Variants in AVL9 observed in about 807,000 individuals in gnomAD.
The protein encoded by AVL9 is AVL9 cell migration associated, also known as late secretory pathway protein AVL9 homolog.
A neutral mutation model predicts 79.2 loss-of-function variants in AVL9; 49 were observed. The ratio of observed to expected loss-of-function variants is 0.62; its 90% CI spans 0.49 to 0.79. The LOEUF (loss-of-function observed/expected upper bound fraction) is 0.79. AVL9 is among the 30% of genes least tolerant of loss of function. AVL9 has a pLI of 0.00. For missense variants in AVL9, 682 were observed against 776.8 expected, an observed-to-expected ratio of 0.88 and a Z score of 1.45; for synonymous variants, 299 against 280.6, an observed-to-expected ratio of 1.07 and a Z score of -0.65.
At chr7:32,525,899 C>T (rs762617497) in intron 1 of AVL9, among the ~76,000 whole-genome samples, 6 of 152,146 alleles carry the variant, frequency 3.9e-5, no homozygotes, top group Non-Finnish European at 8.8e-5. Context: ...TGGTTTTTGT[C>T]ACACAACCCA....
At chr7:32,547,456 C>G (rs1183160510) in intron 3 of AVL9, among the ~76,000 whole-genome samples, 1 of 152,158 alleles carries the variant, frequency 6.6e-6, no homozygotes, top group East Asian at 1.9e-4. Context: ...GAAATCTGTT[C>G]CTTTTAATAC....
At chr7:32,567,771 G>C (rs1055251348) in intron 10 of AVL9, among the ~76,000 whole-genome samples, 1 of 151,226 alleles carries the variant, frequency 6.6e-6, no homozygotes, top group South Asian at 2.1e-4. Flanking sequence ...CTGGAGTGCC[G>C]TGATATGATC....
chr7:32,544,725 T>C lies in AVL9; in HGVS notation c.246T>C (p.Asn82=), dbSNP rs935671089. Residue 82 remains asparagine, a synonymous_variant, in exon 3 of 16, where the codon AAT becomes AAC. Coordinates refer to ENST00000318709, the MANE Select transcript of AVL9 (RefSeq NM_015060.3). ...TGTTTTTTCACTTGCCACCCAGAAA[T>C]GGAAATGGAGCCACAGTATTTGGTA... ...DTVFFHLPPR[N]GNGATVFGIS... 8 of 1,613,860 alleles carry C rather than the reference T, an allele frequency of 5.0e-6. No homozygotes were observed. The highest frequency in any genetic ancestry group is 6.8e-6 in the Non-Finnish European group (8 of 1,179,880).
chr7:32,569,208 A>G (rs1341014541), intron 10 of AVL9, among the ~76,000 whole-genome samples: 2 of 152,214 alleles, frequency 1.3e-5, no homozygotes, highest in East Asian at 3.8e-4. Context: ...GGCTGAAAAC[A>G]AGTTGAGGGG....
intron 1 of AVL9, among the ~76,000 whole-genome samples, chr7:32,512,898 A>G (rs1787742343): frequency 6.6e-6 from 1 of 151,916 alleles, no homozygotes. Flanking sequence ...AATTTCTACC[A>G]CATGTTTCAT....
intron 1 of AVL9, chr7:32,534,461 T>A (rs1217805465): frequency 6.6e-6 from 1 of 151,998 alleles, no homozygotes; most frequent in Non-Finnish European, 1.5e-5. Flanking sequence ...GGGAGATAAC[T>A]CAGAAATGAG....
chr7:32,567,627 A>G (rs1410818411), intron 10 of AVL9, among the ~76,000 whole-genome samples: 3 of 152,088 alleles, frequency 2.0e-5, no homozygotes, highest in African/African-American at 7.2e-5. Flanking sequence ...AAACAAATGC[A>G]TATTTTCCCC....
intron 1 of AVL9, among the ~76,000 whole-genome samples, chr7:32,500,097 C>T (rs147588108): frequency 3.9e-3 from 594 of 152,222 alleles, no homozygotes; most frequent in Non-Finnish European, 6.1e-3. Flanking sequence ...TATAATCCTT[C>T]GGGTATATAC....
chr7:32,548,209 G>A (rs557722113), intron 3 of AVL9, among the ~76,000 whole-genome samples: 29 of 139,834 alleles, frequency 2.1e-4, no homozygotes, highest in African/African-American at 5.5e-4. Context: ...GTGCAGTGGC[G>A]TGATCTCAGC....
chr7:32,571,526 T>G (rs991413881), intron 11 of AVL9, among the ~76,000 whole-genome samples: 1 of 150,978 alleles, frequency 6.6e-6, no homozygotes, highest in African/African-American at 2.4e-5. Context: ...AAATTCTGTC[T>G]CAAAAAAAAA....
At chr7:32,502,660 T>C (rs1787194591) in intron 1 of AVL9, among the ~76,000 whole-genome samples, 1 of 152,210 alleles carries the variant, frequency 6.6e-6, no homozygotes, top group African/African-American at 2.4e-5. Flanking sequence ...CTCATAAGTA[T>C]AGAGACTTCA....
chr7:32,557,125 A>G (rs1233349963), intron 8 of AVL9, among the ~76,000 whole-genome samples: 1 of 105,540 alleles, frequency 9.5e-6, no homozygotes, highest in African/African-American at 3.8e-5. Flanking sequence ...CATTGAGATA[A>G]TAAGAGAAAT....
chr7:32,540,871 C>CTTTTTTTTT lies in AVL9; in HGVS notation c.94-2233_94-2225dup, dbSNP rs749306635. On this transcript the variant is annotated intron_variant, in intron 1 of 15. Transcript: ENST00000318709. ...AATGAGATTAAGCATTGTTGTACTA[C>CTTTTTTTTT]TTTTTTTTTTTTTTTTTTTTTTTTT... Among the ~76,000 whole-genome samples the CTTTTTTTTT allele has an allele frequency of 1.1e-4, 8 of 72,470 alleles. 1 individual carries two copies. The highest frequency in any genetic ancestry group is 2.4e-4 in the African/African-American group (5 of 20,698). The allele number at this position is 72,470 out of a possible 152,430, so 47.5% of individuals were successfully genotyped here.
intron 1 of AVL9, among the ~76,000 whole-genome samples, chr7:32,510,181 G>A (rs1240205931): frequency 2.0e-5 from 3 of 151,010 alleles, no homozygotes; most frequent in Admixed American, 6.6e-5. Context: ...CAGTAGGAGC[G>A]AGCCCATCTC....
At chr7:32,504,974 A>G (rs1787340290) in intron 1 of AVL9, among the ~76,000 whole-genome samples, 1 of 151,950 alleles carries the variant, frequency 6.6e-6, no homozygotes, top group African/African-American at 2.4e-5. Flanking sequence ...CCTGGGTACA[A>G]GCGATTCTCC....
chr7:32,532,666 T>C (rs1788715891), intron 1 of AVL9: 1 of 152,176 alleles, frequency 6.6e-6, no homozygotes, highest in South Asian at 2.1e-4. Flanking sequence ...AGGGAAAAAA[T>C]AGAAGATAAC....
At chr7:32,579,535 ATT>A (rs1562802203) in intron 13 of AVL9, among the ~76,000 whole-genome samples, 683 of 5,388 alleles carry the variant, frequency 0.13, 252 homozygotes, top group East Asian at 0.25. Flanking sequence ...TATATATTAT[ATT>A]ATATATTATA....
rs756139942 is a variant in AVL9, at chr7:32,559,070, T to C, written c.821T>C (p.Leu274Ser). 6.2e-7 allele frequency: 1 copy of C among 1,614,152 alleles called. No homozygotes were observed. Among genetic ancestry groups the C allele is most frequent in the East Asian group, 2.2e-5 (1 of 44,882 alleles). ...ASTADVSHTN[L>S]GTIRKVMAGN... Reference sequence around the variant, plus strand: ...ACTGCTGATGTTTCACATACCAACTTGGGAACTATCAGGAAAGTCATGGCA... The same window carrying C: ...ACTGCTGATGTTTCACATACCAACTCGGGAACTATCAGGAAAGTCATGGCA... The change falls in exon 10 of 16, where the codon TTG (leucine) becomes TCG (serine). Residue 274 changes from leucine (L) to serine (S), a missense_variant. Transcript: ENST00000318709.
At chr7:32,526,457 G>GT (rs1788404216) in intron 1 of AVL9, among the ~76,000 whole-genome samples, 1 of 152,162 alleles carries the variant, frequency 6.6e-6, no homozygotes, top group African/African-American at 2.4e-5. Context: ...GTGGCGAAGG[G>GT]TAAGGACCTC....
Sources: gnomAD v4.1 joint callset for allele counts (sites outside exome capture counted in the v4.1 genomes callset) on GRCh38, gnomAD v4.1.1 for gene constraint, MANE v1.5 for transcripts, NCBI Gene and HGNC (gene_info 2026-07-23, HGNC 2026-07-21) for gene names.